The following NKAIN2 variants were observed in gnomAD, a reference collection of about 807,000 sequenced individuals.
NKAIN2 encodes sodium/potassium-transporting ATPase subunit beta-1-interacting protein 2.
NKAIN2 carries 14 observed loss-of-function variants against 32.6 expected under a neutral mutation model. That is an observed-to-expected ratio of 0.43 (90% CI 0.28 to 0.67). The LOEUF is 0.67. Among genes scored for constraint, NKAIN2 ranks in the 30% least tolerant of loss-of-function variants. NKAIN2 has a pLI of 0.17. For missense variants in NKAIN2, 198 were observed against 258.3 expected, an observed-to-expected ratio of 0.77 and a Z score of 1.60; for synonymous variants, 80 against 87.2, an observed-to-expected ratio of 0.92 and a Z score of 0.46.
intron 1 of NKAIN2, among the ~76,000 whole-genome samples, chr6:123,883,894 C>CAAAAA (rs369070419): frequency 0.035 from 2,213 of 63,624 alleles, 178 homozygotes; most frequent in Non-Finnish European, 0.044. Flanking sequence ...GACTCTGTCT[C>CAAAAA]AAAAAAAAAA....
At chr6:124,165,723 G>A (rs1217576643) in intron 1 of NKAIN2, among the ~76,000 whole-genome samples, 17 of 147,314 alleles carry the variant, frequency 1.2e-4, no homozygotes, top group Non-Finnish European at 2.2e-4. Context: ...GTGTCCATGT[G>A]TTCTCATTGT....
chr6:123,989,350 C>A (rs563704543), intron 1 of NKAIN2, among the ~76,000 whole-genome samples: 4 of 152,034 alleles, frequency 2.6e-5, no homozygotes, highest in African/African-American at 9.7e-5. Flanking sequence ...TGACTTTTGG[C>A]ATATAATTGA....
At chr6:123,861,748 A>AT (rs1775793555) in intron 1 of NKAIN2, among the ~76,000 whole-genome samples, 1 of 151,932 alleles carries the variant, frequency 6.6e-6, no homozygotes, top group Admixed American at 6.6e-5. Flanking sequence ...TTTATTTTTT[A>AT]TTTTTTCCTA....
At chr6:123,983,271 A>G (rs534033385) in intron 1 of NKAIN2, among the ~76,000 whole-genome samples, 2 of 152,322 alleles carry the variant, frequency 1.3e-5, no homozygotes, top group African/African-American at 4.8e-5. Flanking sequence ...ACTGCAGCTG[A>G]GTCTGGAACA....
intron 1 of NKAIN2, among the ~76,000 whole-genome samples, chr6:124,036,103 A>T (rs1250234785): frequency 6.6e-6 from 1 of 152,118 alleles, no homozygotes; most frequent in African/African-American, 2.4e-5. Flanking sequence ...TTATGCCTCA[A>T]CCCACATGTT....
chr6:124,474,977 A>G (rs1303302730), intron 3 of NKAIN2, among the ~76,000 whole-genome samples: 5 of 149,458 alleles, frequency 3.3e-5, no homozygotes, highest in Non-Finnish European at 4.4e-5. Flanking sequence ...ATAGACACGC[A>G]TGCATATATA....
chr6:124,408,338 T>C (rs1447659630), intron 3 of NKAIN2, among the ~76,000 whole-genome samples: 3 of 152,222 alleles, frequency 2.0e-5, no homozygotes, highest in African/African-American at 7.2e-5. Flanking sequence ...ACATCTAACA[T>C]GTAAGTCTTT....
intron 1 of NKAIN2, among the ~76,000 whole-genome samples, chr6:124,044,522 C>T (rs567105524): frequency 3.3e-5 from 5 of 152,152 alleles, no homozygotes; most frequent in African/African-American, 1.2e-4. Context: ...TGTGGAGGGA[C>T]CAGTCCCAAA....
intron 1 of NKAIN2, among the ~76,000 whole-genome samples, chr6:124,257,644 T>C (rs1794011561): frequency 6.6e-6 from 1 of 152,092 alleles, no homozygotes; most frequent in Non-Finnish European, 1.5e-5. Context: ...TAAGAGGAAA[T>C]AACAGTCCAA....
At chr6:124,508,817 G>C (rs1021320917) in intron 3 of NKAIN2, among the ~76,000 whole-genome samples, 2 of 152,248 alleles carry the variant, frequency 1.3e-5, no homozygotes, top group Middle Eastern at 3.4e-3. Flanking sequence ...GTTTGCAGCT[G>C]TAAAGGAAGC....
intron 3 of NKAIN2, among the ~76,000 whole-genome samples, chr6:124,415,878 C>CTTTTTTTTTTTTCTTT (rs1774444599): frequency 1.4e-5 from 1 of 72,590 alleles, no homozygotes; most frequent in Non-Finnish European, 2.6e-5. Context: ...TTTTTATTTG[C>CTTTTTTTTTTTTCTTT]TTTTTTTTTT....
At chr6:124,205,939 A>C (rs1790857777) in intron 1 of NKAIN2, among the ~76,000 whole-genome samples, 1 of 151,930 alleles carries the variant, frequency 6.6e-6, no homozygotes, top group African/African-American at 2.4e-5. Context: ...TATCTGTGGA[A>C]GCATTCTACA....
chr6:124,567,482 A>G (rs1290401125), intron 3 of NKAIN2, among the ~76,000 whole-genome samples: 1 of 152,210 alleles, frequency 6.6e-6, no homozygotes, highest in East Asian at 1.9e-4. Flanking sequence ...CGTCTCCTCA[A>G]CCAAAATGTG....
intron 1 of NKAIN2, among the ~76,000 whole-genome samples, chr6:124,157,445 T>G (rs1454390546): frequency 6.6e-6 from 1 of 152,186 alleles, no homozygotes; most frequent in African/African-American, 2.4e-5. Context: ...TAAAAAGTAA[T>G]CCTATAAGAG....
At chr6:124,218,250 G>A (rs1026415690) in intron 1 of NKAIN2, among the ~76,000 whole-genome samples, 15 of 152,144 alleles carry the variant, frequency 9.9e-5, no homozygotes, top group African/African-American at 2.7e-4. Flanking sequence ...ACATGGCATA[G>A]AGCATGGAAC....
In NKAIN2 at chr6:124,610,608, C is replaced by T. The variant is rs143555934; in HGVS notation, c.274-47578C>T. Among the ~76,000 whole-genome samples the T allele has an allele frequency of 3.1e-3, 465 of 152,194 alleles. 3 individuals are homozygous for T. Among genetic ancestry groups the T allele is most frequent in the African/African-American group, 0.011 (439 of 41,526 alleles). On this transcript the variant is annotated intron_variant, in intron 3 of 6. Coordinates refer to ENST00000368417, the MANE Select transcript of NKAIN2 (RefSeq NM_001040214.3). ...GAATTATCATACACTTTGCTAGACA[C>T]GCTTCATATTTCTGGGTTTGACACT... is the stretch of plus-strand genomic sequence containing the variant.
chr6:124,270,510 A>G (rs1419824444), intron 1 of NKAIN2, among the ~76,000 whole-genome samples: 2 of 152,222 alleles, frequency 1.3e-5, no homozygotes, highest in Non-Finnish European at 1.5e-5. Flanking sequence ...CTGTTAAAAA[A>G]TAGCAATCGA....
At chr6:124,799,912 C>G (rs1219719836) in intron 5 of NKAIN2, among the ~76,000 whole-genome samples, 1 of 152,164 alleles carries the variant, frequency 6.6e-6, no homozygotes, top group Non-Finnish European at 1.5e-5. Flanking sequence ...CTCACCATCT[C>G]TCTCTACCTT....
chr6:124,322,936 A>G (rs1168048748), intron 2 of NKAIN2, among the ~76,000 whole-genome samples: 1 of 152,164 alleles, frequency 6.6e-6, no homozygotes, highest in Admixed American at 6.5e-5. Context: ...AGCATTTGGT[A>G]TGGGCATATA....
Sources: gnomAD v4.1 joint callset for allele counts (sites outside exome capture counted in the v4.1 genomes callset) on GRCh38, gnomAD v4.1.1 for gene constraint, MANE v1.5 for transcripts, NCBI Gene and HGNC (gene_info 2026-07-23, HGNC 2026-07-21) for gene names.